Variants in SKAP2 observed in about 807,000 individuals in gnomAD.
The protein encoded by SKAP2 is src kinase-associated phosphoprotein 2.
SKAP2 carries 28 observed loss-of-function variants against 54.9 expected under a neutral mutation model. That is an observed-to-expected ratio of 0.51 (90% CI 0.38 to 0.70). The LOEUF (loss-of-function observed/expected upper bound fraction) is 0.70, where lower values mean the gene tolerates loss of function less well. Ranked by LOEUF, SKAP2 falls within the 30% of genes least tolerant of loss-of-function variation. SKAP2 has a pLI of 0.00. For synonymous variants in SKAP2, 137 were observed against 134.3 expected (o/e 1.02, Z -0.14); for missense variants, 356 against 424.1 (o/e 0.84, Z 1.41).
chr7:26,772,858 T>C (rs547172680), intron 4 of SKAP2, among the ~76,000 whole-genome samples: 2 of 152,368 alleles, frequency 1.3e-5, no homozygotes, highest in East Asian at 1.9e-4. Flanking sequence ...CTGCTGTTCA[T>C]AGAATCTGGA....
At position 26,776,338 on chromosome 7, in the gene SKAP2, G is replaced by A. The variant is rs564337043; in HGVS notation, c.308-36374C>T. Among the ~76,000 whole-genome samples the A allele has an allele frequency of 3.3e-5, 5 of 152,086 alleles. No homozygotes were observed. The East Asian group carries it at 9.7e-4, about 29-fold the overall frequency. The stretch of plus-strand genomic sequence containing the variant: ...TTGCCCCCTGTATGCTGAAGACTCT[G>A]GCCAAGATCTTTCTCTTAAATTCCA... On this transcript the variant is annotated intron_variant, in intron 4 of 12. Transcript: ENST00000345317.
chr7:26,727,373 C>A (rs1787730730), intron 6 of SKAP2, among the ~76,000 whole-genome samples: 1 of 152,050 alleles, frequency 6.6e-6, no homozygotes, highest in Non-Finnish European at 1.5e-5. Flanking sequence ...CAGCTGAAAA[C>A]TTGTCGGGCT....
intron 9 of SKAP2, among the ~76,000 whole-genome samples, chr7:26,721,578 T>C (rs997753793): frequency 6.6e-6 from 1 of 152,174 alleles, no homozygotes; most frequent in Non-Finnish European, 1.5e-5. Flanking sequence ...AATAGGTTAA[T>C]GGAATAGAAA....
chr7:26,777,133 CTT>C (rs1783328352), intron 4 of SKAP2, among the ~76,000 whole-genome samples: 1 of 152,020 alleles, frequency 6.6e-6, no homozygotes, highest in African/African-American at 2.4e-5. Flanking sequence ...ATATTATAAA[CTT>C]AAAGAAAAAA....
At chr7:26,725,387 C>T in intron 9 of SKAP2, 41 bp downstream of exon 9, 2 of 1,482,798 alleles carry the variant, frequency 1.3e-6, no homozygotes, top group Non-Finnish European at 1.9e-6. Flanking sequence ...CACACACACA[C>T]AGCCCTAAAA....
intron 4 of SKAP2, among the ~76,000 whole-genome samples, chr7:26,788,683 T>C (rs1329845877): frequency 6.6e-6 from 1 of 152,186 alleles, no homozygotes; most frequent in Non-Finnish European, 1.5e-5. Flanking sequence ...AATGCAACTC[T>C]AGCACTAATC....
intron 1 of SKAP2, among the ~76,000 whole-genome samples, chr7:26,860,713 T>C (rs532950380): frequency 1.4e-4 from 22 of 152,096 alleles, no homozygotes; most frequent in Admixed American, 5.2e-4. Flanking sequence ...AACCGTAATA[T>C]ACTCAGCATT....
Position 26,864,487 on chromosome 7 carries a change from G to A in SKAP2, c.-58C>T. On this transcript the variant is annotated 5_prime_UTR_variant, in exon 1 of 13. Coordinates refer to ENST00000345317, the MANE Select transcript of SKAP2 (RefSeq NM_003930.5). ...CTGCGCTGAAAAGGTGACCGACGGG[G>A]TGGGGCTGCGGCTGCGACCTAGACT... The A allele has an allele frequency of 1.9e-6, 3 of 1,545,224 alleles. No individual in the cohort carries two copies. The highest frequency in any genetic ancestry group is 2.0e-5 in the Admixed American group (1 of 50,680).
intron 4 of SKAP2, among the ~76,000 whole-genome samples, chr7:26,822,781 G>A (rs1413603619): frequency 1.3e-5 from 2 of 151,950 alleles, no homozygotes; most frequent in Non-Finnish European, 2.9e-5. Flanking sequence ...TACTAGGGAG[G>A]CTGAGGCAGG....
intron 4 of SKAP2, among the ~76,000 whole-genome samples, chr7:26,819,353 T>C (rs1329687005): frequency 6.6e-6 from 1 of 151,752 alleles, no homozygotes; most frequent in Non-Finnish European, 1.5e-5. Context: ...CACTCATAAG[T>C]AGGAGTTGAA....
At chr7:26,779,001 T>G (rs1328386331) in intron 4 of SKAP2, among the ~76,000 whole-genome samples, 10 of 151,940 alleles carry the variant, frequency 6.6e-5, no homozygotes, top group Non-Finnish European at 1.5e-5. Context: ...AAGGACTCAG[T>G]AAGTTAAGCC....
chr7:26,660,357 C>T, the SKAP2 span, among the ~76,000 whole-genome samples: 13,373 of 151,976 alleles, frequency 0.088, 762 homozygotes, highest in Non-Finnish European at 0.14. Context: ...TAGCATGAAA[C>T]GGGTCCAATA....
At chr7:26,658,163 T>C in the SKAP2 span, among the ~76,000 whole-genome samples, 1 of 152,192 alleles carries the variant, frequency 6.6e-6, no homozygotes, top group African/African-American at 2.4e-5. Flanking sequence ...TAGCATTATT[T>C]TGAAATACAG....
intron 4 of SKAP2, among the ~76,000 whole-genome samples, chr7:26,812,505 T>C (rs919017499): frequency 6.6e-6 from 1 of 152,058 alleles, no homozygotes; most frequent in South Asian, 2.1e-4. Context: ...AAAAGCACCA[T>C]ATGTTCTAAA....
At chr7:26,779,100 T>TGA (rs1258063161) in intron 4 of SKAP2, among the ~76,000 whole-genome samples, 1 of 152,056 alleles carries the variant, frequency 6.6e-6, no homozygotes, top group Non-Finnish European at 1.5e-5. Context: ...CAGTAATAAC[T>TGA]GTTCTTAATT....
chr7:26,855,513 G>A (rs1313917335), intron 1 of SKAP2, among the ~76,000 whole-genome samples: 1 of 151,946 alleles, frequency 6.6e-6, no homozygotes, highest in Non-Finnish European at 1.5e-5. Flanking sequence ...GTAGTTTTGT[G>A]AGCTCTTGCT....
chr7:26,732,977 A>G (rs542751821), intron 6 of SKAP2, among the ~76,000 whole-genome samples: 2 of 152,324 alleles, frequency 1.3e-5, no homozygotes, highest in East Asian at 3.9e-4. Flanking sequence ...ATAAAGGCAG[A>G]AAATAAAGGC....
chr7:26,674,663 G>C (rs1786315164), intron 11 of SKAP2, among the ~76,000 whole-genome samples: 1 of 152,186 alleles, frequency 6.6e-6, no homozygotes, highest in Non-Finnish European at 1.5e-5. Flanking sequence ...AAGTTCTCTA[G>C]TGGTGTACGG....
intron 4 of SKAP2, among the ~76,000 whole-genome samples, chr7:26,774,868 C>T (rs750885428): frequency 5.3e-5 from 8 of 152,152 alleles, no homozygotes; most frequent in Non-Finnish European, 1.0e-4. Flanking sequence ...AGGAACAGCC[C>T]GGTAACTGAT....
Sources: gnomAD v4.1 joint callset for allele counts (sites outside exome capture counted in the v4.1 genomes callset) on GRCh38, gnomAD v4.1.1 for gene constraint, MANE v1.5 for transcripts, NCBI Gene and HGNC (gene_info 2026-07-23, HGNC 2026-07-21) for gene names.